The following ODAD2 variants were observed in gnomAD, a reference collection of about 807,000 sequenced individuals.
The protein encoded by ODAD2 is outer dynein arm docking complex subunit 2.
Under a neutral mutation model 106.8 loss-of-function variants are expected in ODAD2, and 89 were observed. The ratio of observed to expected loss-of-function variants is 0.83; its 90% CI spans 0.70 to 0.99. The LOEUF (loss-of-function observed/expected upper bound fraction) is 0.99. Among genes scored for constraint, ODAD2 ranks in the 50% least tolerant of loss-of-function variants. ODAD2 has a pLI of 0.00. For synonymous variants in ODAD2, 404 were observed against 436.2 expected (o/e 0.93, Z 0.92); for missense variants, 1,168 against 1,238.5 (o/e 0.94, Z 0.85).
intron 17 of ODAD2, among the ~76,000 whole-genome samples, chr10:27,901,432 C>A (rs1376714897): frequency 6.6e-6 from 1 of 152,118 alleles, no homozygotes; most frequent in African/African-American, 2.4e-5. Flanking sequence ...CAGCTAGCAT[C>A]AAAATCACAG....
intron 19 of ODAD2, among the ~76,000 whole-genome samples, chr10:27,822,457 T>C (rs1371974301): frequency 1.3e-5 from 2 of 152,150 alleles, no homozygotes; most frequent in African/African-American, 4.8e-5. Context: ...CCTTCTGACA[T>C]TCTCCTGTTT....
chr10:27,824,912 A>G (rs1836917643), intron 19 of ODAD2, among the ~76,000 whole-genome samples: 1 of 152,206 alleles, frequency 6.6e-6, no homozygotes, highest in Admixed American at 6.5e-5. Context: ...ATTTCCCCAG[A>G]ATTTTAAGTC....
chr10:27,842,340 TATTTC>T (rs1336918189), intron 19 of ODAD2, among the ~76,000 whole-genome samples: 1 of 152,188 alleles, frequency 6.6e-6, no homozygotes, highest in Non-Finnish European at 1.5e-5. Flanking sequence ...ACTGTATCTT[TATTTC>T]ATTTCTTTGA....
intron 19 of ODAD2, among the ~76,000 whole-genome samples, chr10:27,832,245 T>C (rs1837531149): frequency 6.6e-6 from 1 of 152,248 alleles, no homozygotes; most frequent in African/African-American, 2.4e-5. Context: ...CAATGAAACT[T>C]ATTAATCACT....
At chr10:27,997,259 ACT>A (rs1850610017) in intron 1 of ODAD2, among the ~76,000 whole-genome samples, 1 of 152,156 alleles carries the variant, frequency 6.6e-6, no homozygotes, top group Non-Finnish European at 1.5e-5. Context: ...TATGTGTGAG[ACT>A]CTTGAATTTC....
At chr10:27,935,702 T>TAA (rs34102636) in intron 15 of ODAD2, among the ~76,000 whole-genome samples, 81,866 of 146,182 alleles carry the variant, frequency 0.56, 22,789 homozygotes, top group Middle Eastern at 0.66. Context: ...GCTACTTGGA[T>TAA]AAAAAAAAAA....
At chr10:27,982,203 T>G (rs1251638877) in intron 6 of ODAD2, among the ~76,000 whole-genome samples, 3 of 152,170 alleles carry the variant, frequency 2.0e-5, no homozygotes, top group Non-Finnish European at 4.4e-5. Flanking sequence ...CATAACTATA[T>G]GTATATAAAT....
In ODAD2 at chr10:27,861,309, G is replaced by C. The variant is rs140657175; in HGVS notation, c.2800-463C>G. On this transcript the variant is annotated intron_variant, in intron 18 of 19. Transcript: ENST00000305242. ...ACCCAGCTGAAGGAACTAGACTTTT[G>C]GTGGGTCACCAACAGACCAACGTTC... Among the ~76,000 whole-genome samples, 811 of 152,186 alleles carry C rather than the reference G, an allele frequency of 5.3e-3. 6 individuals carry two copies. Among genetic ancestry groups the C allele is most frequent in the African/African-American group, 0.018 (762 of 41,524 alleles).
At chr10:27,859,675 G>A (rs1219377202) in intron 19 of ODAD2, among the ~76,000 whole-genome samples, 1 of 152,104 alleles carries the variant, frequency 6.6e-6, no homozygotes, top group Non-Finnish European at 1.5e-5. Flanking sequence ...CTATAGAAAA[G>A]AACTAATATT....
At chr10:27,921,065 T>C (rs913486041) in intron 16 of ODAD2, among the ~76,000 whole-genome samples, 1 of 152,132 alleles carries the variant, frequency 6.6e-6, no homozygotes, top group African/African-American at 2.4e-5. Context: ...GAAAATATTT[T>C]GTAAGAGAAA....
intron 16 of ODAD2, among the ~76,000 whole-genome samples, chr10:27,916,865 C>T (rs1242544546): frequency 6.6e-6 from 1 of 152,052 alleles, no homozygotes; most frequent in Non-Finnish European, 1.5e-5. Flanking sequence ...GGAGGGTTAG[C>T]GTCTCTAACC....
chr10:27,825,527 C>T (rs1429662008), intron 19 of ODAD2, among the ~76,000 whole-genome samples: 1 of 152,186 alleles, frequency 6.6e-6, no homozygotes. Flanking sequence ...TGTATATGTC[C>T]TTCCATCACT....
intron 16 of ODAD2, among the ~76,000 whole-genome samples, chr10:27,922,742 C>T (rs535694866): frequency 1.2e-4 from 18 of 151,982 alleles, no homozygotes; most frequent in African/African-American, 4.3e-4. Flanking sequence ...CCTGTCTCTA[C>T]TAAAAATACA....
chr10:27,860,740 A>G lies in ODAD2; in HGVS notation c.2906T>C (p.Val969Ala). 6.2e-7 allele frequency: 1 copy of G among 1,614,154 alleles called. No individual in the cohort carries two copies. Among genetic ancestry groups the G allele is most frequent in the Non-Finnish European group, 8.5e-7 (1 of 1,180,016 alleles). The change falls in exon 19 of 20, where the codon GTG (valine) becomes GCG (alanine). Residue 969 changes from valine (V) to alanine (A), a missense_variant. Around this residue, in one of 3 missense-constraint regions of ODAD2, gnomAD observed 701 missense variants for 712.3 expected, o/e 0.98. Coordinates refer to ENST00000305242, the MANE Select transcript of ODAD2 (RefSeq NM_018076.5). ...FGEHKAVAPL[V>A]RYLKSNDTNV... ...GGTGTCATTTGATTTCAGATAACGC[A>G]CTAGTGGAGCCACTGCTTTGTGCTC... is the stretch of plus-strand genomic sequence containing the variant.
intron 19 of ODAD2, among the ~76,000 whole-genome samples, chr10:27,854,198 C>G (rs955044161): frequency 2.0e-5 from 3 of 152,088 alleles, no homozygotes; most frequent in African/African-American, 7.2e-5. Context: ...GTTAGAATGT[C>G]TAAAATCAAA....
intron 19 of ODAD2, among the ~76,000 whole-genome samples, chr10:27,812,949 A>G (rs992557787): frequency 1.3e-5 from 2 of 152,198 alleles, no homozygotes; most frequent in African/African-American, 4.8e-5. Flanking sequence ...ACAAGCCAAC[A>G]GCATACCATG....
intron 19 of ODAD2, among the ~76,000 whole-genome samples, chr10:27,843,459 G>A (rs1271298223): frequency 6.6e-6 from 1 of 152,154 alleles, no homozygotes; most frequent in Non-Finnish European, 1.5e-5. Flanking sequence ...TTACCTGAGA[G>A]GTAACTGTAA....
chr10:27,823,234 T>C (rs1026266552), intron 19 of ODAD2, among the ~76,000 whole-genome samples: 2 of 152,164 alleles, frequency 1.3e-5, no homozygotes, highest in Non-Finnish European at 2.9e-5. Flanking sequence ...TTGGCACACA[T>C]AGGGGCTTCC....
At chr10:27,828,423 C>T (rs757532556) in intron 19 of ODAD2, among the ~76,000 whole-genome samples, 3 of 151,960 alleles carry the variant, frequency 2.0e-5, no homozygotes, top group East Asian at 1.9e-4. Flanking sequence ...ATCACCATTA[C>T]GGAGGATGGG....
Sources: gnomAD v4.1 joint callset for allele counts (sites outside exome capture counted in the v4.1 genomes callset) on GRCh38, gnomAD v4.1.1 for gene constraint, gnomAD v4.1.1 regional missense constraint, MANE v1.5 for transcripts, NCBI Gene and HGNC (gene_info 2026-07-23, HGNC 2026-07-21) for gene names.